Variants in LAMA2 observed in about 807,000 individuals in gnomAD.
The protein encoded by LAMA2 is laminin subunit alpha-2.
A neutral mutation model predicts 364.8 loss-of-function variants in LAMA2; 269 were observed. The observed-to-expected ratio is 0.74, with a 90% CI of 0.67 to 0.82. The LOEUF is 0.82. Among genes scored for constraint, LAMA2 ranks in the 40% least tolerant of loss-of-function variants. LAMA2 has a pLI of 0.00. For missense variants in LAMA2, 3,807 were observed against 3,873.2 expected, an observed-to-expected ratio of 0.98 and a Z score of 0.45; for synonymous variants, 1,379 against 1,370.6, an observed-to-expected ratio of 1.01 and a Z score of -0.14.
intron 12 of LAMA2, among the ~76,000 whole-genome samples, chr6:129,236,950 C>G (rs1230009376): frequency 6.6e-6 from 1 of 152,092 alleles, no homozygotes; most frequent in South Asian, 2.1e-4. Flanking sequence ...TGCACTCAAA[C>G]GTGTTCAGCA....
intron 27 of LAMA2, among the ~76,000 whole-genome samples, chr6:129,318,374 A>G (rs756555344): frequency 3.9e-5 from 6 of 152,132 alleles, no homozygotes; most frequent in Non-Finnish European, 7.4e-5. Context: ...AGTTTGGCCA[A>G]ATCCCTGATG....
rs1404552654 is a variant in LAMA2, at chr6:129,513,412, G to T, written c.8988+919G>T. ...CTTTTTCAAGTAACATGCTCTTAAGGGCAGTTACCATCGATATGTCACTAT... is the reference window on the plus strand; with the variant it reads ...CTTTTTCAAGTAACATGCTCTTAAGTGCAGTTACCATCGATATGTCACTAT... On this transcript the variant is annotated intron_variant, in intron 63 of 64. Coordinates refer to ENST00000421865, the MANE Select transcript of LAMA2 (RefSeq NM_000426.4). Among the ~76,000 whole-genome samples, 3 of 151,948 alleles carry T rather than the reference G, an allele frequency of 2.0e-5. No individual in the cohort carries two copies. In the East Asian group the frequency reaches 5.8e-4, roughly 29 times the overall value.
At chr6:129,234,495 T>C (rs1306244843) in intron 12 of LAMA2, among the ~76,000 whole-genome samples, 1 of 152,200 alleles carries the variant, frequency 6.6e-6, no homozygotes, top group African/African-American at 2.4e-5. Context: ...AAAAGAATTA[T>C]TAGTGATATT....
In LAMA2 at chr6:129,137,113, C is replaced by A. The variant is rs2114947047; in HGVS notation, c.640-6788C>A. 1.3e-5 allele frequency among the ~76,000 whole-genome samples: 2 copies of A among 152,202 alleles called. 1 individual carries two copies. Among genetic ancestry groups the A allele is most frequent in the South Asian group, 4.1e-4 (2 of 4,822 alleles). On this transcript the variant is annotated intron_variant, in intron 4 of 64. Coordinates refer to ENST00000421865, the MANE Select transcript of LAMA2 (RefSeq NM_000426.4). The stretch of plus-strand genomic sequence containing the variant: ...AGTTCAAGTTGCCATTTCTTGTATT[C>A]TTGGAAGAGGTAAGTTAAAGAAGGT...
intron 40 of LAMA2, among the ~76,000 whole-genome samples, chr6:129,423,878 A>G (rs1192695972): frequency 6.6e-6 from 1 of 152,032 alleles, no homozygotes; most frequent in East Asian, 1.9e-4. Context: ...TAAAAATCCT[A>G]GCAAGGTTTT....
intron 8 of LAMA2, chr6:129,158,530 C>A: frequency 6.2e-7 from 1 of 1,614,100 alleles, no homozygotes. Context: ...GGAATAAATG[C>A]TTCATCCTGT....
intron 4 of LAMA2, among the ~76,000 whole-genome samples, chr6:129,120,394 A>C (rs1410357813): frequency 6.6e-6 from 1 of 152,336 alleles, no homozygotes; most frequent in East Asian, 1.9e-4. Flanking sequence ...GTTCCATGGG[A>C]TAGTGTCAGT....
At chr6:129,428,346 A>G (rs1313244270) in intron 41 of LAMA2, among the ~76,000 whole-genome samples, 1 of 152,234 alleles carries the variant, frequency 6.6e-6, no homozygotes, top group Non-Finnish European at 1.5e-5. Context: ...AGCCAGGAGG[A>G]TCGCTTTAGC....
At chr6:129,403,048 C>T (rs1309531794) in intron 39 of LAMA2, among the ~76,000 whole-genome samples, 1 of 152,140 alleles carries the variant, frequency 6.6e-6, no homozygotes, top group African/African-American at 2.4e-5. Context: ...GGGAAGTATA[C>T]ATTTGACTTA....
chr6:129,129,545 ATATAAG>A (rs1255267291), intron 4 of LAMA2, among the ~76,000 whole-genome samples: 4 of 152,220 alleles, frequency 2.6e-5, no homozygotes, highest in African/African-American at 9.6e-5. Flanking sequence ...AAGTAGGGAT[ATATAAG>A]TATAAGGGAG....
chr6:129,303,882 G>A (rs186405262), intron 22 of LAMA2, among the ~76,000 whole-genome samples: 174 of 152,188 alleles, frequency 1.1e-3, no homozygotes, highest in African/African-American at 2.8e-3. Context: ...TTCTTGTAGC[G>A]TTGTCGTCGG....
At chr6:129,084,964 G>C (rs1774284870) in intron 3 of LAMA2, among the ~76,000 whole-genome samples, 1 of 152,124 alleles carries the variant, frequency 6.6e-6, no homozygotes, top group Admixed American at 6.6e-5. Context: ...CATGGACTCA[G>C]TTTATAGTGT....
chr6:129,025,335 T>G (rs986035500), intron 1 of LAMA2, among the ~76,000 whole-genome samples: 10 of 152,206 alleles, frequency 6.6e-5, no homozygotes, highest in African/African-American at 2.4e-4. Context: ...TACATTGTTT[T>G]GCATTTAAAA....
At chr6:128,946,785 C>T (rs1050435244) in intron 1 of LAMA2, among the ~76,000 whole-genome samples, 10 of 152,100 alleles carry the variant, frequency 6.6e-5, no homozygotes, top group African/African-American at 1.2e-4. Context: ...TGGAACATTT[C>T]CATATTTTAG....
intron 12 of LAMA2, among the ~76,000 whole-genome samples, chr6:129,200,306 G>GTGTACACATACATGTGTA (rs1782163452): frequency 8.7e-5 from 8 of 91,976 alleles, no homozygotes; most frequent in African/African-American, 4.4e-4. Flanking sequence ...ATACATGTGT[G>GTGTACACATACATGTGTA]TATATATATA....
chr6:129,363,356 C>CA (rs1223836160), intron 32 of LAMA2, among the ~76,000 whole-genome samples: 1 of 152,086 alleles, frequency 6.6e-6, no homozygotes, highest in African/African-American at 2.4e-5. Flanking sequence ...ACAGACCCAT[C>CA]AAAAATCATA....
At chr6:128,920,669 CAT>C (rs373223795) in intron 1 of LAMA2, among the ~76,000 whole-genome samples, 19 of 148,854 alleles carry the variant, frequency 1.3e-4, no homozygotes, top group Admixed American at 3.3e-4. Flanking sequence ...ACAGACATTA[CAT>C]ATATATATAT....
chr6:128,911,386 A>G (rs562047628), intron 1 of LAMA2, among the ~76,000 whole-genome samples: 35 of 152,206 alleles, frequency 2.3e-4, no homozygotes, highest in Non-Finnish European at 4.6e-4. Flanking sequence ...TTCGGGTGGG[A>G]GTGACCAGAT....
chr6:129,398,063 T>G (rs528660858), intron 37 of LAMA2, among the ~76,000 whole-genome samples: 162 of 152,214 alleles, frequency 1.1e-3, no homozygotes, highest in Non-Finnish European at 1.9e-3. Context: ...TTTATTGAAA[T>G]CAAAATATAT....
Sources: allele counts gnomAD v4.1 joint callset (sites outside exome capture counted in the v4.1 genomes callset), GRCh38; gene constraint gnomAD v4.1.1; transcripts MANE v1.5; gene names NCBI Gene and HGNC (gene_info 2026-07-23, HGNC 2026-07-21).